The following RPS6KA5 variants were observed in gnomAD, a reference collection of about 807,000 sequenced individuals.
The protein encoded by RPS6KA5 is ribosomal protein S6 kinase alpha-5.
In RPS6KA5, 27 loss-of-function variants were observed where a neutral mutation model predicts 85.5. The ratio of observed to expected loss-of-function variants is 0.32; its 90% confidence interval spans 0.23 to 0.44. The LOEUF is 0.44. Among genes scored for constraint, RPS6KA5 ranks in the 20% least tolerant of loss-of-function variants. RPS6KA5 has a pLI of 1.00. For missense variants in RPS6KA5, 811 were observed against 980.9 expected, an observed-to-expected ratio of 0.83 and a Z score of 2.31; for synonymous variants, 334 against 348.2, an observed-to-expected ratio of 0.96 and a Z score of 0.46.
chr14:90,895,336 CTG>C (rs1306472608), intron 12 of RPS6KA5, among the ~76,000 whole-genome samples: 1 of 151,716 alleles, frequency 6.6e-6, no homozygotes, highest in Non-Finnish European at 1.5e-5. Flanking sequence ...GTGAGACTGT[CTG>C]TACAAAAAAA....
chr14:91,003,081 T>C (rs764004221), intron 1 of RPS6KA5, among the ~76,000 whole-genome samples: 42 of 152,168 alleles, frequency 2.8e-4, no homozygotes, highest in Non-Finnish European at 6.0e-4. Context: ...TCTCTTCTAA[T>C]GTTAAATTCT....
At chr14:90,970,232 G>C (rs1478206232) in intron 3 of RPS6KA5, among the ~76,000 whole-genome samples, 2 of 152,066 alleles carry the variant, frequency 1.3e-5, no homozygotes, top group Non-Finnish European at 2.9e-5. Context: ...TCAATCTTGT[G>C]AATTAGTCAT....
chr14:91,017,968 G>GT (rs2139775971), intron 1 of RPS6KA5, among the ~76,000 whole-genome samples: 1 of 152,338 alleles, frequency 6.6e-6, no homozygotes, highest in African/African-American at 2.4e-5. Flanking sequence ...GTAAGGAAGA[G>GT]TATGCTTAAA....
intron 2 of RPS6KA5, among the ~76,000 whole-genome samples, chr14:90,983,799 C>CTCTCTCTCTCTCTG (rs2039921537): frequency 8.3e-6 from 1 of 119,802 alleles, no homozygotes; most frequent in Non-Finnish European, 1.7e-5. Flanking sequence ...CTCTCTCTCT[C>CTCTCTCTCTCTCTG]TCTCTCTCTC....
rs1450065127 is a variant in RPS6KA5, at chr14:90,863,142, A to G, written c.*8932T>C. 1 of 151,572 alleles carries G rather than the reference A, an allele frequency of 6.6e-6. No homozygotes were observed. The highest frequency in any genetic ancestry group is 6.6e-5 in the Admixed American group (1 of 15,220). 9.4% of individuals were successfully genotyped at this position (151,572 alleles called of 1,614,324 possible). A position where few individuals can be genotyped will look rare whatever the true frequency, so the allele number is the denominator to read the frequency against. Reference sequence around the variant, plus strand: ...ATATGGTGAAACCCCATCTCTACTAATAATACAAAAATTAGCTGAGGGTGG... The same window carrying G: ...ATATGGTGAAACCCCATCTCTACTAGTAATACAAAAATTAGCTGAGGGTGG... On this transcript the variant is annotated 3_prime_UTR_variant, in exon 17 of 17. Transcript: ENST00000614987.
intron 3 of RPS6KA5, 38 bp downstream of exon 3, chr14:90,978,268 G>C (rs1222431077): frequency 1.4e-6 from 2 of 1,467,184 alleles, no homozygotes; most frequent in Non-Finnish European, 1.9e-6. Flanking sequence ...CCAAAGAAAA[G>C]TGTTTTCATA....
intron 1 of RPS6KA5, among the ~76,000 whole-genome samples, chr14:91,045,192 C>T (rs1463351334): frequency 6.6e-6 from 1 of 151,592 alleles, no homozygotes; most frequent in African/African-American, 2.4e-5. Context: ...CAATAAACAG[C>T]ATCTTCAAAC....
chr14:91,028,465 C>G (rs948363836), intron 1 of RPS6KA5, among the ~76,000 whole-genome samples: 2 of 152,158 alleles, frequency 1.3e-5, no homozygotes, highest in African/African-American at 4.8e-5. Flanking sequence ...CTCCTCCTAC[C>G]TCAGCCTCCC....
At chr14:90,967,951 T>C (rs2039149391) in intron 3 of RPS6KA5, among the ~76,000 whole-genome samples, 1 of 152,220 alleles carries the variant, frequency 6.6e-6, no homozygotes, top group Admixed American at 6.5e-5. Context: ...ACATGGCTGA[T>C]GCTCCTTACC....
chr14:90,894,454 T>C lies in RPS6KA5; in HGVS notation c.1603A>G (p.Met535Val), dbSNP rs765644584. The stretch of plus-strand genomic sequence containing the variant: ...CTGTGCACCACTCCAACATCATGCA[T>C]GTGGCTTACAGCTGAAACAAGCTTC... The part of the protein sequence containing the change: ...MRKLVSAVSH[M>V]HDVGVVHRDL... Residue 535 changes from methionine (M) to valine (V), a missense_variant, in exon 13 of 17, where the codon ATG (methionine) becomes GTG (valine). Around this residue, in one of 3 missense-constraint regions of RPS6KA5, gnomAD observed 650 missense variants for 793.4 expected, o/e 0.82. Transcript: ENST00000614987. 2 of 1,614,150 alleles carry C rather than the reference T, an allele frequency of 1.2e-6. No individual in the cohort carries two copies. The highest frequency in any genetic ancestry group is 1.3e-5 in the African/African-American group (1 of 75,044).
intron 7 of RPS6KA5, among the ~76,000 whole-genome samples, chr14:90,917,466 A>C (rs1398465709): frequency 6.6e-6 from 1 of 152,174 alleles, no homozygotes; most frequent in African/African-American, 2.4e-5. Context: ...AAGTTTTGAC[A>C]TATGTATACA....
intron 14 of RPS6KA5, among the ~76,000 whole-genome samples, chr14:90,887,956 A>G (rs2034330097): frequency 6.6e-6 from 1 of 150,866 alleles, no homozygotes; most frequent in Admixed American, 6.6e-5. Context: ...AAAAAAAAAA[A>G]AAAAAAAAAA....
At chr14:91,022,443 T>C (rs905492301) in intron 1 of RPS6KA5, among the ~76,000 whole-genome samples, 3 of 152,194 alleles carry the variant, frequency 2.0e-5, no homozygotes, top group African/African-American at 7.2e-5. Flanking sequence ...AAACAACCTG[T>C]CTGCTCACTT....
intron 5 of RPS6KA5, among the ~76,000 whole-genome samples, chr14:90,926,079 A>G (rs1450232384): frequency 1.3e-5 from 2 of 152,170 alleles, no homozygotes; most frequent in African/African-American, 4.8e-5. Flanking sequence ...ATTAGAGGAT[A>G]CTTTTGCAAC....
Position 90,906,210 on chromosome 14 carries a change from T to C in RPS6KA5, c.896A>G (p.Lys299Arg). The C allele has an allele frequency of 1.2e-6, 2 of 1,613,262 alleles. No homozygotes were observed. Among genetic ancestry groups the C allele is most frequent in the East Asian group, 4.5e-5 (2 of 44,864 alleles). Residue 299 changes from lysine to arginine, a missense_variant, in exon 8 of 17, where the codon AAG becomes AGG. By Grantham distance (26) the Lys-to-Arg change is conservative. This residue lies in a region of RPS6KA5 where 650 missense variants were observed against 793.4 expected (regional missense o/e 0.82). Transcript: ENST00000614987. ...LIQRLLMKDP[K>R]KRLGCGPRDA... ...ACGTGGACCACATCCCAATCTCTTC[T>C]TGGGATCTTTCATCAAAAGACGCTG...
intron 1 of RPS6KA5, among the ~76,000 whole-genome samples, chr14:91,005,673 T>G (rs1566854799): frequency 6.6e-6 from 1 of 152,238 alleles, no homozygotes; most frequent in Non-Finnish European, 1.5e-5. Context: ...TTCATTCCTA[T>G]GCTATTATTT....
intron 2 of RPS6KA5, among the ~76,000 whole-genome samples, chr14:90,982,548 T>A (rs1300229763): frequency 2.0e-5 from 3 of 152,272 alleles, no homozygotes; most frequent in African/African-American, 7.2e-5. Context: ...TTACTAGGTA[T>A]GACTCTCTAA....
chr14:90,897,139 G>A (rs558809868), intron 12 of RPS6KA5, among the ~76,000 whole-genome samples: 3 of 152,120 alleles, frequency 2.0e-5, no homozygotes, highest in Admixed American at 1.3e-4. Flanking sequence ...TTGATCCCTC[G>A]CCATGCGCAG....
At chr14:90,985,032 C>T (rs1390021751) in intron 2 of RPS6KA5, among the ~76,000 whole-genome samples, 1 of 151,952 alleles carries the variant, frequency 6.6e-6, no homozygotes, top group Non-Finnish European at 1.5e-5. Flanking sequence ...CCTCCACCTT[C>T]TGGGTTCAAG....
Sources: gnomAD v4.1 joint callset for allele counts (sites outside exome capture counted in the v4.1 genomes callset) on GRCh38, gnomAD v4.1.1 for gene constraint, gnomAD v4.1.1 regional missense constraint, MANE v1.5 for transcripts, NCBI Gene and HGNC (gene_info 2026-07-23, HGNC 2026-07-21) for gene names.